SMCO4: variants seen among roughly 807,000 people sequenced by gnomAD.
The protein encoded by SMCO4 is single-pass membrane protein with coiled-coil domains 4.
Under a neutral mutation model 3.6 loss-of-function variants are expected in SMCO4, and 4 were observed. That is an observed-to-expected ratio of 1.11 (90% CI 0.54 to 2.53). The LOEUF (loss-of-function observed/expected upper bound fraction) is 2.53, where lower values mean the gene tolerates loss of function less well. SMCO4 is among the 30% of genes most tolerant of loss of function. SMCO4 has a pLI of 0.02. For synonymous variants in SMCO4, 36 were observed against 35.3 expected, an observed-to-expected ratio of 1.02 and a Z score of -0.07; for missense variants, 70 against 80.8, an observed-to-expected ratio of 0.87 and a Z score of 0.51.
chr11:93,541,981 G>A (rs1221738242), intron 1 of SMCO4, among the ~76,000 whole-genome samples: 3 of 152,218 alleles, frequency 2.0e-5, no homozygotes, highest in East Asian at 3.9e-4. Context: ...ACTCATCCAA[G>A]GTCAAACTTC....
At chr11:93,517,673 T>G (rs77746109) in intron 1 of SMCO4, among the ~76,000 whole-genome samples, 2,082 of 152,268 alleles carry the variant, frequency 0.014, 44 homozygotes, top group African/African-American at 0.047. Flanking sequence ...TTATATCCAT[T>G]ATCTCCGCTG....
intron 1 of SMCO4, among the ~76,000 whole-genome samples, chr11:93,501,172 C>G (rs1948834329): frequency 6.6e-6 from 1 of 152,162 alleles, no homozygotes; most frequent in African/African-American, 2.4e-5. Flanking sequence ...TTCTGCAAAC[C>G]AGTGCCAACT....
rs1031326227 is a variant in SMCO4 at position 93,536,583 on chromosome 11, G to A, written c.-154+6693C>T. 3.9e-5 allele frequency among the ~76,000 whole-genome samples: 6 copies of A among 152,174 alleles called. No homozygotes were observed. The East Asian group carries it at 7.7e-4, about 20-fold the overall frequency. ...CTTCTAAAAGAAGGAAAACCATAGT[G>A]TATTTGTGTATACAGGCTTGACAGT... On this transcript the variant is annotated intron_variant, in intron 1 of 2. Transcript: ENST00000298966.
intron 1 of SMCO4, among the ~76,000 whole-genome samples, chr11:93,527,140 A>G (rs1949115861): frequency 6.6e-6 from 1 of 152,190 alleles, no homozygotes; most frequent in Admixed American, 6.5e-5. Flanking sequence ...TGGCAAACAC[A>G]ATCCAACCCC....
At chr11:93,488,935 G>A (rs1319448978) in intron 2 of SMCO4, among the ~76,000 whole-genome samples, 1 of 145,842 alleles carries the variant, frequency 6.9e-6, no homozygotes, top group African/African-American at 2.4e-5. Flanking sequence ...GGCAAATGAA[G>A]AAGGTGTCCT....
At chr11:93,518,091 G>T (rs1949024331) in intron 1 of SMCO4, among the ~76,000 whole-genome samples, 1 of 151,706 alleles carries the variant, frequency 6.6e-6, no homozygotes, top group South Asian at 2.1e-4. Flanking sequence ...CCACTTGGCA[G>T]TCGATCCACA....
At chr11:93,534,400 A>G (rs1565390210) in intron 1 of SMCO4, among the ~76,000 whole-genome samples, 1 of 150,786 alleles carries the variant, frequency 6.6e-6, no homozygotes, top group Non-Finnish European at 1.5e-5. Context: ...AGAGAGATAC[A>G]TATATATATG....
intron 1 of SMCO4, among the ~76,000 whole-genome samples, chr11:93,502,604 C>G (rs1442122776): frequency 6.6e-6 from 1 of 152,190 alleles, no homozygotes; most frequent in East Asian, 1.9e-4. Context: ...CATCATTCAA[C>G]TTTCTGGAAA....
At chr11:93,552,190 T>C in the SMCO4 span, among the ~76,000 whole-genome samples, 1 of 134,976 alleles carries the variant, frequency 7.4e-6, no homozygotes, top group Non-Finnish European at 1.5e-5. Flanking sequence ...ACAGTTTCAC[T>C]CTGTCGCTCA....
rs538287020 is a variant in SMCO4 at position 93,507,261 on chromosome 11, G to A, written c.-153-7913C>T. ...CTCTACTAAAAATACAAAAATAAGCGTGATGGTGGGTGTCAGTAATCCCAG... is the reference window on the plus strand; with the variant it reads ...CTCTACTAAAAATACAAAAATAAGCATGATGGTGGGTGTCAGTAATCCCAG... On this transcript the variant is annotated intron_variant, in intron 1 of 2. Coordinates refer to ENST00000298966, the MANE Select transcript of SMCO4 (RefSeq NM_020179.3). Among the ~76,000 whole-genome samples, 11 of 152,154 alleles carry A rather than the reference G, an allele frequency of 7.2e-5. No homozygotes were observed. In the South Asian group the frequency reaches 1.0e-3, roughly 14 times the overall value.
intron 2 of SMCO4, among the ~76,000 whole-genome samples, chr11:93,483,930 A>G (rs1239949778): frequency 2.0e-5 from 3 of 152,188 alleles, no homozygotes; most frequent in Non-Finnish European, 4.4e-5. Context: ...GCAGAGAGAA[A>G]TAAATGAAGC....
chr11:93,481,492 C>T (rs540177637), intron 2 of SMCO4: 6 of 985,394 alleles, frequency 6.1e-6, no homozygotes, highest in African/African-American at 3.5e-5. Flanking sequence ...TGGCACAGAG[C>T]GGGCGGCGAA....
At chr11:93,493,830 C>T (rs1024062450) in intron 2 of SMCO4, among the ~76,000 whole-genome samples, 3 of 152,182 alleles carry the variant, frequency 2.0e-5, no homozygotes, top group African/African-American at 7.2e-5. Context: ...GCTTTACTTA[C>T]TTGCTAGATG....
At chr11:93,497,135 A>G (rs1239408310) in intron 2 of SMCO4, among the ~76,000 whole-genome samples, 4 of 152,188 alleles carry the variant, frequency 2.6e-5, no homozygotes, top group African/African-American at 9.7e-5. Context: ...CTATTTTCCC[A>G]TTTCCCCATC....
At chr11:93,550,868 A>G in the SMCO4 span, among the ~76,000 whole-genome samples, 3 of 152,160 alleles carry the variant, frequency 2.0e-5, no homozygotes, top group South Asian at 6.2e-4. Flanking sequence ...TTTCAAACCT[A>G]TAACCACAAG....
chr11:93,545,994 G>A (rs1949313127), upstream of SMCO4, among the ~76,000 whole-genome samples: 2 of 152,230 alleles, frequency 1.3e-5, no homozygotes, highest in African/African-American at 2.4e-5. Flanking sequence ...TCAGCCACAT[G>A]AGTGAGCTCC....
chr11:93,483,646 T>C (rs954933661), intron 2 of SMCO4, among the ~76,000 whole-genome samples: 1 of 152,158 alleles, frequency 6.6e-6, no homozygotes, highest in Non-Finnish European at 1.5e-5. Context: ...GACGTGTCTC[T>C]GTATGTGATG....
In SMCO4 at chr11:93,526,984, A is replaced by C. The variant is rs151304368; in HGVS notation, c.-154+16292T>G. Reference sequence around the variant, plus strand: ...CTGCTGAGGACCTTCTAGAGACAGAATTCCGACACACAACCCTCTCAGTAC... The same window carrying C: ...CTGCTGAGGACCTTCTAGAGACAGACTTCCGACACACAACCCTCTCAGTAC... On this transcript the variant is annotated intron_variant, in intron 1 of 2. Coordinates refer to ENST00000298966, the MANE Select transcript of SMCO4 (RefSeq NM_020179.3). 2.9e-3 allele frequency among the ~76,000 whole-genome samples: 443 copies of C among 152,294 alleles called. 1 individual carries two copies. The highest frequency in any genetic ancestry group is 0.01 in the African/African-American group (426 of 41,548).
chr11:93,526,299 C>CT (rs906333224), intron 1 of SMCO4, among the ~76,000 whole-genome samples: 9 of 71,118 alleles, frequency 1.3e-4, no homozygotes, highest in African/African-American at 3.3e-4. Flanking sequence ...CAAATATTTG[C>CT]TAAAAAAAAA....
Sources: gnomAD v4.1 joint callset for allele counts (sites outside exome capture counted in the v4.1 genomes callset) on GRCh38, gnomAD v4.1.1 for gene constraint, MANE v1.5 for transcripts, NCBI Gene and HGNC (gene_info 2026-07-23, HGNC 2026-07-21) for gene names.